ZBBX: variants seen among roughly 807,000 people sequenced by gnomAD.
The protein encoded by ZBBX is zinc finger B-box domain-containing protein 1.
In ZBBX, 101 loss-of-function variants were observed where a neutral mutation model predicts 108.5. The ratio of observed to expected loss-of-function variants is 0.93; its 90% CI spans 0.79 to 1.10. The LOEUF is 1.10. Among genes scored for constraint, ZBBX ranks in the 50% least tolerant of loss-of-function variants. ZBBX has a pLI of 0.00. For missense variants in ZBBX, 1,009 were observed against 941.4 expected (o/e 1.07, Z -0.94); for synonymous variants, 356 against 323.4 (o/e 1.10, Z -1.08).
At chr3:167,300,140 T>C (rs982284816) in intron 17 of ZBBX, among the ~76,000 whole-genome samples, 3 of 152,190 alleles carry the variant, frequency 2.0e-5, no homozygotes, top group Admixed American at 6.5e-5. Context: ...CAGATATAAT[T>C]ACCTAGGAAT....
chr3:167,327,497 C>G (rs925191607), intron 11 of ZBBX, among the ~76,000 whole-genome samples: 1 of 152,186 alleles, frequency 6.6e-6, no homozygotes, highest in African/African-American at 2.4e-5. Flanking sequence ...ACAGTGCATA[C>G]TCCTTTGAGG....
intron 16 of ZBBX, among the ~76,000 whole-genome samples, chr3:167,309,643 G>T (rs1236100881): frequency 1.3e-5 from 2 of 152,220 alleles, no homozygotes; most frequent in Non-Finnish European, 2.9e-5. Flanking sequence ...TGGAGCCACT[G>T]GGACAGAGTA....
chr3:167,204,077 T>G, the ZBBX span, among the ~76,000 whole-genome samples: 1 of 152,164 alleles, frequency 6.6e-6, no homozygotes, highest in Non-Finnish European at 1.5e-5. Flanking sequence ...GGAATTCAAT[T>G]TAAGTCCTTG....
At chr3:167,278,051 C>T (rs201476890) in intron 20 of ZBBX, among the ~76,000 whole-genome samples, 28,336 of 107,320 alleles carry the variant, frequency 0.26, 3,396 homozygotes, top group East Asian at 0.55. Flanking sequence ...TTGAAACCAA[C>T]GAGAACAAAG....
At chr3:167,281,763 T>C (rs1346190461) in intron 20 of ZBBX, among the ~76,000 whole-genome samples, 2 of 152,192 alleles carry the variant, frequency 1.3e-5, no homozygotes, top group Non-Finnish European at 2.9e-5. Context: ...TGCAGAATCT[T>C]ACCTTACCTG....
At chr3:167,368,900 T>C (rs1745744533) in intron 4 of ZBBX, 1 of 235,458 alleles carries the variant, frequency 4.2e-6, no homozygotes. Flanking sequence ...GAAATAAAAA[T>C]ATTGTCCAAT....
intron 20 of ZBBX, among the ~76,000 whole-genome samples, chr3:167,271,224 A>C (rs529804489): frequency 6.6e-6 from 1 of 152,246 alleles, no homozygotes; most frequent in African/African-American, 2.4e-5. Flanking sequence ...ATTAATAGCA[A>C]AAGCCAAGAC....
At chr3:167,265,380 G>A (rs556360241) in intron 20 of ZBBX, among the ~76,000 whole-genome samples, 61 of 152,206 alleles carry the variant, frequency 4.0e-4, no homozygotes, top group Non-Finnish European at 7.9e-4. Flanking sequence ...TATCATCTAG[G>A]AGCTAGGACC....
At chr3:167,329,790 C>T (rs1738103244) in intron 10 of ZBBX, among the ~76,000 whole-genome samples, 1 of 152,120 alleles carries the variant, frequency 6.6e-6, no homozygotes, top group Admixed American at 6.6e-5. Flanking sequence ...CTGCCTGCTG[C>T]ACAGAGGAGC....
the ZBBX span, among the ~76,000 whole-genome samples, chr3:167,220,728 G>C: frequency 6.6e-6 from 1 of 151,984 alleles, no homozygotes; most frequent in East Asian, 1.9e-4. Flanking sequence ...GTCCTAGCTA[G>C]AGCAATTAGA....
In ZBBX at chr3:167,298,430, T is replaced by A. The variant is rs547580642; in HGVS notation, c.1754A>T (p.Lys585Met). 2.6e-6 allele frequency: 4 copies of A among 1,528,970 alleles called. No homozygotes were observed. The African/African-American group carries it at 4.1e-5, about 16-fold the overall frequency. The allele number at this position is 1,528,970 out of a possible 1,614,324, so 94.7% of individuals were successfully genotyped here. ...LLLQEIACRS[K>M]PITKQYQGLE... ...TCCTTGATATTGTTTTGTTATAGGC[T>A]TACTTCTGCAGGCTATTTCTTGTAA... Residue 585 changes from lysine to methionine, a missense_variant, in exon 18 of 22, where the codon AAG becomes ATG. Lys to Met is a moderately conservative substitution (Grantham distance 95). Coordinates refer to ENST00000675490, the MANE Select transcript of ZBBX (RefSeq NM_001199201.2).
intron 3 of ZBBX, among the ~76,000 whole-genome samples, chr3:167,373,325 G>A (rs1227965405): frequency 6.6e-6 from 1 of 152,240 alleles, no homozygotes; most frequent in African/African-American, 2.4e-5. Flanking sequence ...GTGTTTGCAG[G>A]GTGTGAGGGA....
rs1170664258 is a variant in ZBBX at position 167,348,360 on chromosome 3, G to GAA, written c.528+2058_528+2059dup. Among the ~76,000 whole-genome samples, 354 of 123,852 alleles carry GAA rather than the reference G, an allele frequency of 2.9e-3. 3 individuals carry two copies. Among genetic ancestry groups the GAA allele is most frequent in the African/African-American group, 0.011 (326 of 30,268 alleles). The allele number at this position is 123,852 out of a possible 152,430, so 81.3% of individuals were successfully genotyped here. ...AGAAAGAAAGAAAGAAAGAAAGAAA[G>GAA]AAAGAAAGAAAAAAAAGAAAAGAAA... On this transcript the variant is annotated intron_variant, in intron 9 of 21. Transcript: ENST00000675490.
chr3:167,278,712 T>C (rs1728175350), intron 20 of ZBBX, among the ~76,000 whole-genome samples: 1 of 151,184 alleles, frequency 6.6e-6, no homozygotes, highest in Admixed American at 6.6e-5. Flanking sequence ...ACTACTCCAA[T>C]CAATAGAAAA....
At chr3:167,224,018 C>G in the ZBBX span, among the ~76,000 whole-genome samples, 2 of 151,896 alleles carry the variant, frequency 1.3e-5, no homozygotes, top group African/African-American at 4.8e-5. Context: ...CAGCTCAGGT[C>G]GATCTGCTTG....
chr3:167,309,716 C>T (rs970170540), intron 16 of ZBBX, among the ~76,000 whole-genome samples: 1 of 152,354 alleles, frequency 6.6e-6, no homozygotes, highest in African/African-American at 2.4e-5. Context: ...CCATTTTTCC[C>T]TTCTAGGCCT....
At chr3:167,298,590 A>T in intron 17 of ZBBX, 132 bp from the exon 18 acceptor site, 1 of 542,108 alleles carries the variant, frequency 1.8e-6, no homozygotes, top group Non-Finnish European at 3.0e-6. Context: ...TTAGTTTCTA[A>T]CAGTGGAGAC....
intron 20 of ZBBX, among the ~76,000 whole-genome samples, chr3:167,260,914 A>C (rs1426800406): frequency 6.6e-6 from 1 of 152,144 alleles, no homozygotes; most frequent in Non-Finnish European, 1.5e-5. Context: ...TTGTTTTCTC[A>C]TATTACCAGG....
the ZBBX span, among the ~76,000 whole-genome samples, chr3:167,178,754 T>G: frequency 6.6e-6 from 1 of 152,186 alleles, no homozygotes; most frequent in Non-Finnish European, 1.5e-5. Context: ...TTCTGCTTCT[T>G]TCTTTGCATC....
Sources: gnomAD v4.1 joint callset for allele counts (sites outside exome capture counted in the v4.1 genomes callset) on GRCh38, gnomAD v4.1.1 for gene constraint, MANE v1.5 for transcripts, NCBI Gene and HGNC (gene_info 2026-07-23, HGNC 2026-07-21) for gene names.